The following ASAP2 variants were observed in gnomAD, a reference collection of about 807,000 sequenced individuals.
ASAP2 encodes ArfGAP with SH3 domain, ankyrin repeat and PH domain 2, also known as arf-GAP with SH3 domain, ANK repeat and PH domain-containing protein 2.
Under a neutral mutation model 131.4 loss-of-function variants are expected in ASAP2, and 45 were observed. The observed-to-expected ratio is 0.34, with a 90% CI of 0.27 to 0.44. ASAP2 has a LOEUF of 0.44. ASAP2 is among the 20% of genes least tolerant of loss of function. The pLI, the probability that ASAP2 is intolerant of heterozygous loss-of-function variation, is 1.00. For synonymous variants in ASAP2, 510 were observed against 503.0 expected (o/e 1.01, Z -0.19); for missense variants, 1,011 against 1,297.0 (o/e 0.78, Z 3.39).
intron 3 of ASAP2, among the ~76,000 whole-genome samples, chr2:9,300,773 A>T (rs10172687): frequency 0.35 from 53,297 of 152,124 alleles, 9,628 homozygotes; most frequent in African/African-American, 0.41. Context: ...TCCAAACCCA[A>T]GTTGTTGTCA....
intron 6 of ASAP2, among the ~76,000 whole-genome samples, chr2:9,323,730 C>CGGGG (rs1273385550): frequency 2.0e-5 from 3 of 152,114 alleles, no homozygotes; most frequent in African/African-American, 7.2e-5. Flanking sequence ...CCTGCTCAGG[C>CGGGG]GGGGGCACTC....
intron 24 of ASAP2, among the ~76,000 whole-genome samples, chr2:9,395,584 TG>T (rs1242440374): frequency 7.2e-6 from 1 of 139,316 alleles, no homozygotes; most frequent in Non-Finnish European, 1.6e-5. Context: ...GTTTTTCTTG[TG>T]TTTTTTTTCT....
At chr2:9,344,098 A>G (rs553850659) in intron 9 of ASAP2, among the ~76,000 whole-genome samples, 1 of 152,012 alleles carries the variant, frequency 6.6e-6, no homozygotes, top group Non-Finnish European at 1.5e-5. Context: ...TGAGGCTGAG[A>G]GCTTATGTGA....
intron 2 of ASAP2, among the ~76,000 whole-genome samples, chr2:9,293,473 G>A: frequency 6.6e-6 from 1 of 152,178 alleles, no homozygotes; most frequent in East Asian, 1.9e-4. Flanking sequence ...TCACAATTCT[G>A]TAAATAAAAG....
Position 9,248,212 on chromosome 2 carries a change from G to T in ASAP2, c.127-31105G>T, listed in dbSNP as rs1316399350. Among the ~76,000 whole-genome samples the T allele has an allele frequency of 2.6e-5, 4 of 152,238 alleles. No homozygotes were observed. In the East Asian group the frequency reaches 7.7e-4, roughly 29 times the overall value. On this transcript the variant is annotated intron_variant, in intron 1 of 27. Coordinates refer to ENST00000281419, the MANE Select transcript of ASAP2 (RefSeq NM_003887.3). The stretch of plus-strand genomic sequence containing the variant: ...TTCTGCATCCCACGCTAACCACGGA[G>T]GCCACGCAGGCCTGTGTTCCGAGTG...
At chr2:9,277,768 G>T (rs1451823399) in intron 1 of ASAP2, among the ~76,000 whole-genome samples, 1 of 152,114 alleles carries the variant, frequency 6.6e-6, no homozygotes, top group South Asian at 2.1e-4. Flanking sequence ...CATTCCATGG[G>T]CTTGGACAAA....
At chr2:9,308,997 C>T (rs1207412295) in intron 3 of ASAP2, among the ~76,000 whole-genome samples, 1 of 152,174 alleles carries the variant, frequency 6.6e-6, no homozygotes, top group African/African-American at 2.4e-5. Flanking sequence ...TTGAACCTGC[C>T]AGTCATACTC....
chr2:9,337,810 A>G (rs140136435), intron 9 of ASAP2, among the ~76,000 whole-genome samples: 96 of 151,954 alleles, frequency 6.3e-4, no homozygotes, highest in African/African-American at 2.2e-3. Context: ...TGTTCTTGAT[A>G]TTTTCTGCTC....
intron 4 of ASAP2, 88 bp downstream of exon 4, chr2:9,318,686 G>T (rs1369112069): frequency 8.5e-6 from 7 of 821,964 alleles, no homozygotes; most frequent in Admixed American, 7.4e-5. Flanking sequence ...AGCCACGCCA[G>T]TACGTTCTCA....
intron 1 of ASAP2, among the ~76,000 whole-genome samples, chr2:9,228,505 A>G (rs1369648549): frequency 6.6e-6 from 1 of 152,034 alleles, no homozygotes. Context: ...GGGAAGAGTG[A>G]TTGGGTGGCC....
intron 3 of ASAP2, among the ~76,000 whole-genome samples, chr2:9,314,461 A>C (rs888199642): frequency 1.3e-5 from 2 of 152,200 alleles, no homozygotes; most frequent in Non-Finnish European, 2.9e-5. Flanking sequence ...TGCCCAAAAA[A>C]ATATTTCAGT....
At chr2:9,326,023 G>T (rs1670455051) in intron 6 of ASAP2, among the ~76,000 whole-genome samples, 1 of 152,190 alleles carries the variant, frequency 6.6e-6, no homozygotes, top group Admixed American at 6.5e-5. Flanking sequence ...GGGTGAGAAA[G>T]ATCATTTGAA....
chr2:9,385,342 T>C lies in ASAP2; in HGVS notation c.2114T>C (p.Met705Thr). 1 of 1,613,832 alleles carries C rather than the reference T, an allele frequency of 6.2e-7. No homozygotes were observed. Among genetic ancestry groups the C allele is most frequent in the Non-Finnish European group, 8.5e-7 (1 of 1,179,660 alleles). Reference protein sequence around the residue: ...HEDLDESDDDMDEKLQPSPNR... With the variant: ...HEDLDESDDDTDEKLQPSPNR... ...GACCTGGATGAAAGTGATGACGACATGGATGAGAAATTGCAGGTCTGTGCC... is the reference window on the plus strand; with the variant it reads ...GACCTGGATGAAAGTGATGACGACACGGATGAGAAATTGCAGGTCTGTGCC... The change falls in exon 21 of 28, where the codon ATG becomes ACG. Residue 705 changes from methionine (M) to threonine (T), a missense_variant. This residue lies in a region of ASAP2 where 652 missense variants were observed against 698.9 expected (regional missense o/e 0.93). Coordinates refer to ENST00000281419, the MANE Select transcript of ASAP2 (RefSeq NM_003887.3).
chr2:9,341,910 C>T (rs7583670), intron 9 of ASAP2, among the ~76,000 whole-genome samples: 3,111 of 152,288 alleles, frequency 0.02, 113 homozygotes, highest in African/African-American at 0.071. Context: ...TTTCTCCCCT[C>T]CTGGGCTCTG....
intron 15 of ASAP2, among the ~76,000 whole-genome samples, chr2:9,360,078 T>G (rs760381236): frequency 6.6e-6 from 1 of 152,224 alleles, no homozygotes; most frequent in African/African-American, 2.4e-5. Flanking sequence ...TGGCATAGAT[T>G]GGAGGTTGTC....
chr2:9,381,470 A>G (rs1399695083), intron 20 of ASAP2, among the ~76,000 whole-genome samples: 1 of 152,268 alleles, frequency 6.6e-6, no homozygotes, highest in Non-Finnish European at 1.5e-5. Context: ...ACAGTGACTC[A>G]CGCCTTGTAA....
intron 1 of ASAP2, among the ~76,000 whole-genome samples, chr2:9,225,948 AGGCCGTG>A (rs1662733093): frequency 6.6e-6 from 1 of 152,192 alleles, no homozygotes; most frequent in Non-Finnish European, 1.5e-5. Context: ...GCTCCATACC[AGGCCGTG>A]GGTTCTGCGG....
chr2:9,268,924 G>A lies in ASAP2; in HGVS notation c.127-10393G>A, dbSNP rs1666142398. ...CTGGTTCGCATTGAGAACTCAGGGT[G>A]CTGGGGACAAACCGGTGCTGTGCTG... On this transcript the variant is annotated intron_variant, in intron 1 of 27. Coordinates refer to ENST00000281419, the MANE Select transcript of ASAP2 (RefSeq NM_003887.3). This position sits in a 1 kb window ranked among gnomAD's most constrained non-coding sequence, Gnocchi z 4.1. Among the ~76,000 whole-genome samples, 1 of 152,148 alleles carries A rather than the reference G, an allele frequency of 6.6e-6. No homozygotes were observed. The highest frequency in any genetic ancestry group is 1.5e-5 in the Non-Finnish European group (1 of 68,028).
intron 14 of ASAP2, among the ~76,000 whole-genome samples, chr2:9,357,203 G>A (rs903400859): frequency 1.3e-5 from 2 of 151,898 alleles, no homozygotes; most frequent in Non-Finnish European, 2.9e-5. Context: ...TACCGACTGG[G>A]TGCAGTGACT....
Sources: allele counts gnomAD v4.1 joint callset (sites outside exome capture counted in the v4.1 genomes callset), GRCh38; gene constraint gnomAD v4.1.1; regional missense constraint gnomAD v4.1.1; non-coding constraint Gnocchi (gnomAD v3.1); transcripts MANE v1.5; gene names NCBI Gene and HGNC (gene_info 2026-07-23, HGNC 2026-07-21).